UBR4: variants seen among roughly 807,000 people sequenced by gnomAD.
UBR4 encodes ubiquitin protein ligase E3 component n-recognin 4, also known as E3 ubiquitin-protein ligase UBR4.
In UBR4, 124 loss-of-function variants were observed where a neutral mutation model predicts 575.6. The ratio of observed to expected loss-of-function variants is 0.22; its 90% CI spans 0.19 to 0.25. The LOEUF (loss-of-function observed/expected upper bound fraction) is 0.25. Among genes scored for constraint, UBR4 ranks in the 10% least tolerant of loss-of-function variants. UBR4 has a pLI of 1.00. For synonymous variants in UBR4, 2,455 were observed against 2,473.7 expected (o/e 0.99, Z 0.22); for missense variants, 4,818 against 6,478.8 (o/e 0.74, Z 8.80).
chr1:19,182,004 G>A (rs1353639462), intron 17 of UBR4, among the ~76,000 whole-genome samples: 3 of 152,112 alleles, frequency 2.0e-5, no homozygotes, highest in African/African-American at 7.2e-5. Context: ...TCTACTTTCT[G>A]TCTCTATGAA....
chr1:19,104,010 GA>G lies in UBR4; in HGVS notation c.12901+73del, dbSNP rs1054197637. 7.8e-6 allele frequency: 12 copies of G among 1,539,100 alleles called. No individual in the cohort carries two copies. The African/African-American group carries it at 1.5e-4, about 19-fold the overall frequency. ...CTCCTCTGGATCTGTGGAACTGGGGGAAATTGGTCGAATGCACCTCGGCAGC... is the reference window on the plus strand; with the variant it reads ...CTCCTCTGGATCTGTGGAACTGGGGGAATTGGTCGAATGCACCTCGGCAGC... On this transcript the variant is annotated intron_variant, in intron 87 of 105. Transcript: ENST00000375254.
Position 19,110,918 on chromosome 1 carries a change from A to G in UBR4, c.11802-86T>C. ...ACCTGAAGGGGCCCAGGGAAAATGA[A>G]ATCAATGTCTAAGGCTACCTGGCCC... is the stretch of plus-strand genomic sequence containing the variant. On this transcript the variant is annotated intron_variant, in intron 78 of 105. Transcript: ENST00000375254. This position sits in a 1 kb window ranked among gnomAD's most constrained non-coding sequence, Gnocchi z 4.5. 1 of 1,378,324 alleles carries G rather than the reference A, an allele frequency of 7.3e-7. No homozygotes were observed. 85.4% of individuals were successfully genotyped at this position (1,378,324 alleles called of 1,614,324 possible).
At chr1:19,140,317 TCA>T (rs2083721669) in intron 58 of UBR4, among the ~76,000 whole-genome samples, 1 of 152,130 alleles carries the variant, frequency 6.6e-6, no homozygotes, top group Non-Finnish European at 1.5e-5. Flanking sequence ...ACCCTCTCTC[TCA>T]AGCTCACAGA....
In UBR4 at chr1:19,139,935, G is replaced by A. The variant is rs2083660753; in HGVS notation, c.8594-715C>T. On this transcript the variant is annotated intron_variant, in intron 58 of 105. Transcript: ENST00000375254. The surrounding 1 kb of genome is among the most constrained non-coding windows in gnomAD (Gnocchi z 4.2). ...TACATGGGGGAGGAAAGCCAAGACAGCCACAGAGCACAGCGGGAACACGAC... is the reference window on the plus strand; with the variant it reads ...TACATGGGGGAGGAAAGCCAAGACAACCACAGAGCACAGCGGGAACACGAC... Among the ~76,000 whole-genome samples, 1 of 152,128 alleles carries A rather than the reference G, an allele frequency of 6.6e-6. No individual in the cohort carries two copies. Among genetic ancestry groups the A allele is most frequent in the Non-Finnish European group, 1.5e-5 (1 of 68,028 alleles).
At chr1:19,185,355 T>C in intron 14 of UBR4, 69 bp from the exon 15 acceptor site, 1 of 1,419,120 alleles carries the variant, frequency 7.0e-7, no homozygotes, top group South Asian at 1.5e-5. Flanking sequence ...ATCTGCTTCC[T>C]AAAAGTACTT....
At chr1:19,160,335 G>T in intron 38 of UBR4, 54 bp from the exon 39 acceptor site, 1 of 1,443,920 alleles carries the variant, frequency 6.9e-7, no homozygotes, top group Non-Finnish European at 9.3e-7. Context: ...GAAAAACAAT[G>T]GATAATACTT....
chr1:19,141,429 G>C lies in UBR4; in HGVS notation c.8406C>G (p.Pro2802=), dbSNP rs145307465. ...CTGCATCAGGTGGGATGTCCAGCATGGGGGGGAAGCCCTCTGCGCCTGCCA... is the reference window on the plus strand; with the variant it reads ...CTGCATCAGGTGGGATGTCCAGCATCGGGGGGAAGCCCTCTGCGCCTGCCA... ...ALLAGAEGFP[P]MLDIPPDADD... is the part of the protein sequence containing the mutation. Residue 2802 remains proline, a synonymous_variant, in exon 57 of 106, where the codon CCC becomes CCG. Transcript: ENST00000375254. 96 of 1,614,066 alleles carry C rather than the reference G, an allele frequency of 5.9e-5. 2 individuals carry two copies. The highest frequency in any genetic ancestry group is 3.7e-4 in the South Asian group (34 of 91,090).
rs117098713 is a variant in UBR4, at chr1:19,198,947, C to A, written c.379-19G>T. The A allele has an allele frequency of 2.5e-6, 4 of 1,608,024 alleles. No individual in the cohort carries two copies. Among genetic ancestry groups the A allele is most frequent in the Non-Finnish European group, 2.5e-6 (3 of 1,177,926 alleles). ...AGTGTTTCTGAAAAGAAAACAAATG[C>A]AAACAAAAGAAAACAAAAACAAATA... On this transcript the variant is annotated intron_variant, in intron 3 of 105. Transcript: ENST00000375254.
At chr1:19,086,392 G>A in intron 100 of UBR4, 122 bp from the exon 101 acceptor site, 1 of 1,327,488 alleles carries the variant, frequency 7.5e-7, no homozygotes, top group South Asian at 1.5e-5. Context: ...GTCGGCCCAG[G>A]CTCCTGACCC....
chr1:19,119,053 TAGACCTACC>T, intron 70 of UBR4, 96 bp from the exon 71 acceptor site: 1 of 1,052,756 alleles, frequency 9.5e-7, no homozygotes. Context: ...AATACTGCCC[TAGACCTACC>T]AGACTTCTCA....
At position 19,087,776 on chromosome 1, in the gene UBR4, G is replaced by A. The variant is rs368399500; in HGVS notation, c.14544+40C>T. 52 of 1,540,618 alleles carry A rather than the reference G, an allele frequency of 3.4e-5. No homozygotes were observed. The African/African-American group carries it at 6.8e-4, about 20-fold the overall frequency. On this transcript the variant is annotated intron_variant, in intron 99 of 105. Transcript: ENST00000375254. ...GATGCTACCTAGAACAAGGGGTCAG[G>A]CTGGGCCCTCAGGACCGACCGTAGG...
At chr1:19,148,458 G>A in intron 50 of UBR4, 105 bp downstream of exon 50, 2 of 1,382,710 alleles carry the variant, frequency 1.4e-6, no homozygotes, top group South Asian at 2.4e-5. Context: ...TCAAGATTAT[G>A]CTACTATAAA....
intron 1 of UBR4, among the ~76,000 whole-genome samples, chr1:19,202,642 GA>G (rs2092799142): frequency 6.6e-6 from 1 of 151,956 alleles, no homozygotes; most frequent in African/African-American, 2.4e-5. Flanking sequence ...AAGAGTCGGT[GA>G]TTTTTTTTTT....
In UBR4 at chr1:19,093,356, T is replaced by G. The variant is rs988531428; in HGVS notation, c.14068A>C (p.Asn4690His). The G allele has an allele frequency of 6.2e-7, 1 of 1,614,184 alleles. No homozygotes were observed. Among genetic ancestry groups the G allele is most frequent in the Non-Finnish European group, 8.5e-7 (1 of 1,180,044 alleles). ...DLILQKGITQNALDYMKKHIP... is the reference protein window; with the variant it reads ...DLILQKGITQHALDYMKKHIP... ...TGCTTTTTCATGTAGTCAAGTGCAT[T>G]CTGGGTGATCCCCTTCTGGAGAATC... The change falls in exon 96 of 106, where the codon AAT (asparagine) becomes CAT (histidine). Residue 4690 changes from asparagine (N) to histidine (H), a missense_variant. Physicochemically the swap from Asn to His is moderately conservative, Grantham distance 68. Coordinates refer to ENST00000375254, the MANE Select transcript of UBR4 (RefSeq NM_020765.3). This position sits in a 1 kb window ranked among gnomAD's most constrained non-coding sequence, Gnocchi z 4.8.
rs2089759528 is a variant in UBR4 at position 19,172,771 on chromosome 1, G to A, written c.3521+93C>T. The stretch of plus-strand genomic sequence containing the variant: ...ACGTGGGGAAAAAAACCCCTAAGCT[G>A]AAGAAAGAGAAAAATGTCAAATTCT... On this transcript the variant is annotated intron_variant, in intron 25 of 105. Coordinates refer to ENST00000375254, the MANE Select transcript of UBR4 (RefSeq NM_020765.3). 3.0e-6 allele frequency: 4 copies of A among 1,339,488 alleles called. No homozygotes were observed. In the East Asian group the frequency reaches 9.3e-5, roughly 31 times the overall value. The allele number at this position is 1,339,488 out of a possible 1,614,324, so 83.0% of individuals were successfully genotyped here. A position where few individuals can be genotyped will look rare whatever the true frequency, so the allele number is the denominator to read the frequency against.
chr1:19,173,756 C>T, intron 22 of UBR4, 135 bp from the exon 23 acceptor site: 1 of 828,990 alleles, frequency 1.2e-6, no homozygotes, highest in Non-Finnish European at 1.9e-6. Flanking sequence ...GATTTGGCCC[C>T]CAAGTCCATT....
At position 19,074,656 on chromosome 1, in the gene UBR4, C is replaced by T. The variant is rs904339130; in HGVS notation, c.*176G>A. On this transcript the variant is annotated 3_prime_UTR_variant, in exon 106 of 106. Coordinates refer to ENST00000375254, the MANE Select transcript of UBR4 (RefSeq NM_020765.3). ...ACAACCTCATAGCTGGTGCACCACA[C>T]ACACGAGATAAAACAGGAAGCCTAA... 30 of 692,242 alleles carry T rather than the reference C, an allele frequency of 4.3e-5. No individual in the cohort carries two copies. Among genetic ancestry groups the T allele is most frequent in the Non-Finnish European group, 6.4e-5 (26 of 403,142 alleles). The allele number at this position is 692,242 out of a possible 1,614,324, so 42.9% of individuals were successfully genotyped here. A position where few individuals can be genotyped will look rare whatever the true frequency, so the allele number is the denominator to read the frequency against.
At chr1:19,123,406 G>A (rs998376186) in intron 65 of UBR4, among the ~76,000 whole-genome samples, 1 of 149,492 alleles carries the variant, frequency 6.7e-6, no homozygotes, top group Non-Finnish European at 1.5e-5. Flanking sequence ...AGCAGAGATC[G>A]TGTCACTGCA....
intron 35 of UBR4, 65 bp from the exon 36 acceptor site, chr1:19,161,962 C>T (rs1346821216): frequency 1.3e-6 from 2 of 1,577,272 alleles, no homozygotes; most frequent in Non-Finnish European, 1.7e-6. Flanking sequence ...CACAAAAACA[C>T]ATGTGCCTCA....
Sources: allele counts gnomAD v4.1 joint callset (sites outside exome capture counted in the v4.1 genomes callset), GRCh38; gene constraint gnomAD v4.1.1; non-coding constraint Gnocchi (gnomAD v3.1); transcripts MANE v1.5; gene names NCBI Gene and HGNC (gene_info 2026-07-23, HGNC 2026-07-21).